PPP1R21: variants seen among roughly 807,000 people sequenced by gnomAD.
The protein encoded by PPP1R21 is KLRAQ motif containing 1.
A neutral mutation model predicts 112.8 loss-of-function variants in PPP1R21; 85 were observed. The observed-to-expected ratio is 0.75, with a 90% CI of 0.63 to 0.90. PPP1R21 has a LOEUF of 0.90. PPP1R21 is among the 40% of genes least tolerant of loss of function. PPP1R21 has a pLI of 0.00. For missense variants in PPP1R21, 1,199 were observed against 901.5 expected, an observed-to-expected ratio of 1.33 and a Z score of -4.23; for synonymous variants, 381 against 322.3, an observed-to-expected ratio of 1.18 and a Z score of -1.95.
chr2:48,490,894 T>C (rs1265044158), intron 14 of PPP1R21, 124 bp from the exon 15 acceptor site: 3 of 748,930 alleles, frequency 4.0e-6, no homozygotes, highest in Non-Finnish European at 6.5e-6. Flanking sequence ...TTGGGGCAGG[T>C]GTTGAAATTT....
chr2:48,496,149 T>G (rs1669823886), intron 16 of PPP1R21, among the ~76,000 whole-genome samples: 1 of 152,160 alleles, frequency 6.6e-6, no homozygotes, highest in African/African-American at 2.4e-5. Context: ...ATGTGCAATA[T>G]TTAGTGGTCA....
chr2:48,479,332 G>T (rs1423457614), intron 12 of PPP1R21, among the ~76,000 whole-genome samples: 1 of 152,226 alleles, frequency 6.6e-6, no homozygotes, highest in East Asian at 1.9e-4. Context: ...TGAGCTGTGG[G>T]AGGGAGGTAG....
At chr2:48,501,070 G>A (rs1025025023) in intron 17 of PPP1R21, among the ~76,000 whole-genome samples, 2 of 152,188 alleles carry the variant, frequency 1.3e-5, no homozygotes, top group Non-Finnish European at 2.9e-5. Context: ...CACAAGTCCT[G>A]CATGTTGCCT....
Position 48,511,310 on chromosome 2 carries a change from T to C in PPP1R21, c.2185-30T>C, listed in dbSNP as rs370858710. The C allele has an allele frequency of 1.7e-5, 28 of 1,600,688 alleles. No homozygotes were observed. The African/African-American group carries it at 3.2e-4, about 18-fold the overall frequency. ...TCAGAGTGGTACGACTCGTGGGATG[T>C]TGATTTTTGTCTTTTTCTTTGCTAT... On this transcript the variant is annotated intron_variant, in intron 20 of 21. Transcript: ENST00000294952.
Position 48,461,139 on chromosome 2 carries a change from C to A in PPP1R21, c.601C>A (p.Gln201Lys). 1.3e-6 allele frequency: 2 copies of A among 1,561,734 alleles called. No homozygotes were observed. Among genetic ancestry groups the A allele is most frequent in the South Asian group, 2.4e-5 (2 of 81,690 alleles). ...TTTGTATTTTTTTTTTTTTTGCAGT[C>A]AATTACAGTTAAAGACTCTTCATGA... Reference protein sequence around the residue: ...KECRLRTEECQLQLKTLHEDL... With the variant: ...KECRLRTEECKLQLKTLHEDL... The change falls in exon 7 of 22, where the codon CAA becomes AAA. Residue 201 changes from glutamine to lysine, a missense_variant and splice_region_variant. By Grantham distance (53) the Gln-to-Lys change is moderately conservative (BLOSUM62 1). Coordinates refer to ENST00000294952, the MANE Select transcript of PPP1R21 (RefSeq NM_001135629.3).
At chr2:48,501,394 T>C (rs1402323344) in intron 17 of PPP1R21, among the ~76,000 whole-genome samples, 1 of 152,144 alleles carries the variant, frequency 6.6e-6, no homozygotes, top group Non-Finnish European at 1.5e-5. Context: ...GACAATGACA[T>C]TGTAATTGTA....
At chr2:48,450,399 T>G (rs143534048) in intron 1 of PPP1R21, among the ~76,000 whole-genome samples, 117 of 152,328 alleles carry the variant, frequency 7.7e-4, no homozygotes, top group African/African-American at 2.7e-3. Context: ...TAGTTTGTAG[T>G]GAGCATTCAT....
chr2:48,483,743 A>G (rs1669142287), intron 13 of PPP1R21, among the ~76,000 whole-genome samples: 1 of 152,002 alleles, frequency 6.6e-6, no homozygotes, highest in Non-Finnish European at 1.5e-5. Context: ...CCTGGCCAAG[A>G]GTGTCTTTAT....
At chr2:48,496,180 G>A (rs532529143) in intron 16 of PPP1R21, among the ~76,000 whole-genome samples, 1 of 152,244 alleles carries the variant, frequency 6.6e-6, no homozygotes, top group Non-Finnish European at 1.5e-5. Flanking sequence ...GGGAGTGGGT[G>A]GGAGTGGGAG....
chr2:48,473,931 G>A lies in PPP1R21; in HGVS notation c.1089-752G>A, dbSNP rs576108950. Among the ~76,000 whole-genome samples the A allele has an allele frequency of 9.2e-5, 14 of 152,208 alleles. No individual in the cohort carries two copies. In the East Asian group the frequency reaches 2.7e-3, roughly 29 times the overall value. ...AGCCTCTAGATTGTAAATCTGTTTG[G>A]CTTTGGAAAAACTATGTGTACTGGA... On this transcript the variant is annotated intron_variant, in intron 11 of 21. Transcript: ENST00000294952.
chr2:48,450,427 T>A (rs1212396498), intron 1 of PPP1R21, among the ~76,000 whole-genome samples: 1 of 152,202 alleles, frequency 6.6e-6, no homozygotes, highest in East Asian at 1.9e-4. Context: ...TGGGTACTAT[T>A]ATTAACTTTT....
chr2:48,451,085 C>T lies in PPP1R21; in HGVS notation c.126+9C>T. On this transcript the variant is annotated intron_variant, in intron 2 of 21. Transcript: ENST00000294952. Reference sequence around the variant, plus strand: ...ATTCTGCAGCTTTAAAGGTGGGCAACAGGATATTTGTGTTGTGAGGGTTAA... The same window carrying T: ...ATTCTGCAGCTTTAAAGGTGGGCAATAGGATATTTGTGTTGTGAGGGTTAA... The T allele has an allele frequency of 1.2e-6, 2 of 1,610,082 alleles. No homozygotes were observed. Among genetic ancestry groups the T allele is most frequent in the South Asian group, 1.1e-5 (1 of 91,000 alleles).
intron 14 of PPP1R21, 152 bp downstream of exon 14, chr2:48,486,910 G>C: frequency 1.3e-6 from 1 of 771,882 alleles, no homozygotes; most frequent in Non-Finnish European, 2.0e-6. Context: ...TTCCTACCCA[G>C]TATGTACTCT....
chr2:48,448,338 C>G (rs1189117212), intron 1 of PPP1R21, among the ~76,000 whole-genome samples: 3 of 152,168 alleles, frequency 2.0e-5, no homozygotes, highest in Non-Finnish European at 2.9e-5. Flanking sequence ...TTGAAAGTTT[C>G]ATTTTGCTTT....
intron 13 of PPP1R21, among the ~76,000 whole-genome samples, chr2:48,483,674 A>G (rs1669137428): frequency 6.6e-6 from 1 of 152,206 alleles, no homozygotes; most frequent in Non-Finnish European, 1.5e-5. Context: ...AATGAGAAAC[A>G]GAACAGAGTA....
intron 15 of PPP1R21, among the ~76,000 whole-genome samples, chr2:48,492,306 C>G (rs1669602762): frequency 6.6e-6 from 1 of 151,770 alleles, no homozygotes; most frequent in Non-Finnish European, 1.5e-5. Context: ...TTCTTCCTTC[C>G]TTCCTTCACT....
intron 14 of PPP1R21, among the ~76,000 whole-genome samples, chr2:48,490,693 G>T (rs1477072120): frequency 1.3e-5 from 2 of 152,160 alleles, no homozygotes; most frequent in Non-Finnish European, 2.9e-5. Flanking sequence ...GAGAACAGTG[G>T]CAGAAATCAA....
intron 17 of PPP1R21, among the ~76,000 whole-genome samples, chr2:48,503,952 C>CAA (rs11389758): frequency 0.011 from 1,491 of 135,476 alleles, 24 homozygotes; most frequent in African/African-American, 0.033. Flanking sequence ...GACTATGTCT[C>CAA]AAAAAAAAAA....
chr2:48,457,441 A>G (rs1346843381), intron 3 of PPP1R21, among the ~76,000 whole-genome samples: 4 of 152,210 alleles, frequency 2.6e-5, no homozygotes, highest in Non-Finnish European at 5.9e-5. Context: ...GTTTGAACAC[A>G]GTTTCATTGT....
Sources: gnomAD v4.1 joint callset for allele counts (sites outside exome capture counted in the v4.1 genomes callset) on GRCh38, gnomAD v4.1.1 for gene constraint, MANE v1.5 for transcripts, NCBI Gene and HGNC (gene_info 2026-07-23, HGNC 2026-07-21) for gene names.